The following PLCB1 variants were observed in gnomAD, a reference collection of about 807,000 sequenced individuals.
PLCB1 encodes phospholipase C beta 1.
PLCB1 carries 46 observed loss-of-function variants against 161.8 expected under a neutral mutation model. That is an observed-to-expected ratio of 0.28 (90% confidence interval 0.22 to 0.36). The LOEUF is 0.36. Ranked by LOEUF, PLCB1 falls within the 10% of genes least tolerant of loss-of-function variation. The pLI is 1.00. For synonymous variants in PLCB1, 517 were observed against 503.7 expected (o/e 1.03, Z -0.35); for missense variants, 1,016 against 1,472.5 (o/e 0.69, Z 5.07).
At position 8,871,557 on chromosome 20, in the gene PLCB1, G is replaced by A. The variant is rs79447931; in HGVS notation, c.3424-10065G>A. 3.5e-3 allele frequency among the ~76,000 whole-genome samples: 536 copies of A among 152,172 alleles called. 5 individuals are homozygous for A. The highest frequency in any genetic ancestry group is 0.012 in the African/African-American group (509 of 41,516). ...TTCAGTCCAATGTTTTATTTTCCCC[G>A]TATCCATTGCTTGTCACCTAGGACG... On this transcript the variant is annotated intron_variant, in intron 31 of 31. Coordinates refer to ENST00000338037, the MANE Select transcript of PLCB1 (RefSeq NM_015192.4).
At chr20:8,714,618 A>C (rs1979202509) in intron 12 of PLCB1, among the ~76,000 whole-genome samples, 1 of 152,130 alleles carries the variant, frequency 6.6e-6, no homozygotes, top group African/African-American at 2.4e-5. Flanking sequence ...TCTCTCCCTA[A>C]TACTGCTGAG....
At chr20:8,330,896 A>G (rs144864075) in intron 2 of PLCB1, among the ~76,000 whole-genome samples, 232 of 152,352 alleles carry the variant, frequency 1.5e-3, no homozygotes, top group Admixed American at 2.7e-3. Flanking sequence ...GTATGACATC[A>G]TATTCTCTCA....
chr20:8,701,201 G>A (rs554556803), intron 11 of PLCB1, among the ~76,000 whole-genome samples: 2 of 152,284 alleles, frequency 1.3e-5, no homozygotes, highest in South Asian at 4.1e-4. Context: ...AGTAAGAAGA[G>A]AAACAGGGCA....
chr20:8,811,539 A>G (rs1187598096), intron 31 of PLCB1, among the ~76,000 whole-genome samples: 1 of 152,230 alleles, frequency 6.6e-6, no homozygotes, highest in African/African-American at 2.4e-5. Flanking sequence ...TTTCACCTAC[A>G]TTAATGGTTG....
At chr20:8,657,594 C>A (rs1222126140) in intron 8 of PLCB1, among the ~76,000 whole-genome samples, 1 of 152,032 alleles carries the variant, frequency 6.6e-6, no homozygotes, top group Non-Finnish European at 1.5e-5. Context: ...GAAATAGACT[C>A]ATGTCGCAGG....
chr20:8,163,379 C>A (rs2051644997), intron 2 of PLCB1, among the ~76,000 whole-genome samples: 1 of 152,162 alleles, frequency 6.6e-6, no homozygotes, highest in Non-Finnish European at 1.5e-5. Context: ...GGCTTCCAGG[C>A]CAGTGGGCCC....
At chr20:8,632,566 G>C (rs1296130080) in intron 4 of PLCB1, among the ~76,000 whole-genome samples, 1 of 152,146 alleles carries the variant, frequency 6.6e-6, no homozygotes, top group Non-Finnish European at 1.5e-5. Context: ...GATAGGGATG[G>C]AGAGTGCAGT....
chr20:8,585,972 T>C (rs1022576734), intron 3 of PLCB1, among the ~76,000 whole-genome samples: 12 of 152,218 alleles, frequency 7.9e-5, no homozygotes, highest in Non-Finnish European at 4.4e-5. Context: ...AAGAGTTTTG[T>C]TTGACATTGA....
intron 2 of PLCB1, among the ~76,000 whole-genome samples, chr20:8,267,036 TAAA>T (rs376821037): frequency 7.9e-6 from 1 of 126,206 alleles, no homozygotes; most frequent in African/African-American, 3.0e-5. Context: ...AGACTTCGTC[TAAA>T]AAAAAAAAAA....
chr20:8,703,571 G>A (rs1978491448), intron 11 of PLCB1, among the ~76,000 whole-genome samples: 1 of 152,182 alleles, frequency 6.6e-6, no homozygotes, highest in South Asian at 2.1e-4. Flanking sequence ...GGCCCAGTAG[G>A]AGCAGAGAAG....
chr20:8,206,632 T>A (rs2123136360), intron 2 of PLCB1, among the ~76,000 whole-genome samples: 1 of 152,286 alleles, frequency 6.6e-6, no homozygotes, highest in East Asian at 1.9e-4. Context: ...TTAGCTAACA[T>A]ACTTTTTCAT....
intron 3 of PLCB1, among the ~76,000 whole-genome samples, chr20:8,395,829 AC>A (rs561876862): frequency 1.3e-5 from 2 of 152,120 alleles, no homozygotes; most frequent in East Asian, 1.9e-4. Flanking sequence ...TAAAAAAAAA[AC>A]AAATTGTTAT....
chr20:8,589,772 T>A (rs1987095582), intron 3 of PLCB1, among the ~76,000 whole-genome samples: 1 of 151,630 alleles, frequency 6.6e-6, no homozygotes, highest in African/African-American at 2.4e-5. Flanking sequence ...TGTGCCACCA[T>A]GCCAGGCTAA....
intron 3 of PLCB1, among the ~76,000 whole-genome samples, chr20:8,435,585 G>A (rs940697448): frequency 5.3e-5 from 8 of 152,222 alleles, no homozygotes; most frequent in Admixed American, 5.2e-4. Flanking sequence ...ACTGCAAGCA[G>A]CCTCTGGTAT....
intron 3 of PLCB1, among the ~76,000 whole-genome samples, chr20:8,462,017 CTTTT>C (rs1981601248): frequency 6.6e-6 from 1 of 151,628 alleles, no homozygotes; most frequent in East Asian, 1.9e-4. Flanking sequence ...TTTGAAATAG[CTTTT>C]TTGTTTTTCA....
chr20:8,678,989 A>C (rs1041809263), intron 9 of PLCB1, among the ~76,000 whole-genome samples: 6 of 152,210 alleles, frequency 3.9e-5, no homozygotes, highest in African/African-American at 1.4e-4. Flanking sequence ...TGAACTGATC[A>C]GCAACAGGAA....
intron 2 of PLCB1, among the ~76,000 whole-genome samples, chr20:8,162,567 A>G (rs1282186154): frequency 6.6e-6 from 1 of 152,152 alleles, no homozygotes; most frequent in Non-Finnish European, 1.5e-5. Context: ...TAAAATTCAC[A>G]TTTCTCCTGT....
At chr20:8,358,952 C>T (rs1986451955) in intron 2 of PLCB1, among the ~76,000 whole-genome samples, 1 of 152,126 alleles carries the variant, frequency 6.6e-6, no homozygotes, top group Non-Finnish European at 1.5e-5. Flanking sequence ...TAAGAATTAA[C>T]TTGTTTCTCA....
intron 2 of PLCB1, among the ~76,000 whole-genome samples, chr20:8,296,391 T>C (rs1040890225): frequency 3.9e-5 from 6 of 152,204 alleles, no homozygotes; most frequent in African/African-American, 7.2e-5. Flanking sequence ...TGAACCTTTT[T>C]AACTTTAATT....
Sources: allele counts gnomAD v4.1 joint callset (sites outside exome capture counted in the v4.1 genomes callset), GRCh38; gene constraint gnomAD v4.1.1; transcripts MANE v1.5; gene names NCBI Gene and HGNC (gene_info 2026-07-23, HGNC 2026-07-21).